DMD: variants seen among roughly 807,000 people sequenced by gnomAD.
DMD encodes the protein dystrophin, also known as mutant dystrophin.
DMD carries 63 observed loss-of-function variants against 330.1 expected under a neutral mutation model. The ratio of observed to expected loss-of-function variants is 0.19; its 90% CI spans 0.16 to 0.24. The LOEUF is 0.24. Among genes scored for constraint, DMD ranks in the 10% least tolerant of loss-of-function variants. The pLI is 1.00. For missense variants in DMD, 3,344 were observed against 2,684.1 expected (o/e 1.25, Z -5.43); for synonymous variants, 1,223 against 959.8 (o/e 1.27, Z -5.07).
intron 45 of DMD, among the ~76,000 whole-genome samples, chrX:31,949,088 C>G (rs1282878935): frequency 2.7e-5 from 3 of 111,083 alleles, no homozygotes; most frequent in Non-Finnish European, 5.7e-5. Context: ...TCTTCTTTTT[C>G]ACAATTGTTT....
rs1191026907 is a variant in DMD at position 32,429,387 on chromosome X, G to GTTATTT, written c.4071+8853_4071+8854insAAATAA. Reference sequence around the variant, plus strand: ...ACCAAGCCTGGATACTTTTTTTTGGGTTTTTTTTTTTTTTTTTTTTTTTTG... The same window carrying GTTATTT: ...ACCAAGCCTGGATACTTTTTTTTGGGTTATTTTTTTTTTTTTTTTTTTTTTTTTTTG... On this transcript the variant is annotated intron_variant, in intron 29 of 78. Transcript: ENST00000357033. 2.4e-3 allele frequency among the ~76,000 whole-genome samples: 106 copies of GTTATTT among 44,191 alleles called. 1 individual carries two copies. Among genetic ancestry groups the GTTATTT allele is most frequent in the African/African-American group, 0.011 (103 of 9,032 alleles). 38.4% of individuals were successfully genotyped at this position (44,191 alleles called of 115,157 possible).
rs746527994 is a variant in DMD at position 33,138,625 on chromosome X, A to G, written c.31+72657T>C. Among the ~76,000 whole-genome samples, 20 of 111,176 alleles carry G rather than the reference A, an allele frequency of 1.8e-4. No homozygotes were observed. In the East Asian group the frequency reaches 5.6e-3, roughly 31 times the overall value. On this transcript the variant is annotated intron_variant, in intron 1 of 78. Coordinates refer to ENST00000357033, the MANE Select transcript of DMD (RefSeq NM_004006.3). ...TTGTGCTGATTTTTTGAAGATATTC[A>G]TCTATCTTGATTTTCCTTACTTTTT...
chrX:32,866,558 G>A (rs756076046), intron 2 of DMD, among the ~76,000 whole-genome samples: 2 of 111,248 alleles, frequency 1.8e-5, no homozygotes, highest in Admixed American at 1.9e-4. Context: ...AGTTTCTAGA[G>A]ATCTGACTCA....
At chrX:32,087,582 C>G (rs1019218660) in intron 44 of DMD, among the ~76,000 whole-genome samples, 5 of 111,547 alleles carry the variant, frequency 4.5e-5, no homozygotes, top group African/African-American at 1.6e-4. Flanking sequence ...TGATATTGAC[C>G]CGCTAGTCCG....
chrX:32,583,657 A>G (rs2053906556), intron 13 of DMD: 1 of 111,633 alleles, frequency 9.0e-6, no homozygotes, highest in African/African-American at 3.3e-5. Flanking sequence ...TATTTTCGTC[A>G]AAGATGACAC....
At chrX:32,107,798 C>T (rs771248913) in intron 44 of DMD, among the ~76,000 whole-genome samples, 27 of 111,215 alleles carry the variant, frequency 2.4e-4, no homozygotes, top group Non-Finnish European at 4.9e-4. Flanking sequence ...TATCTGGGCA[C>T]CTTGTAGCCC....
chrX:32,188,047 A>G (rs756764846), intron 44 of DMD, among the ~76,000 whole-genome samples: 1 of 111,190 alleles, frequency 9.0e-6, no homozygotes, highest in Non-Finnish European at 1.9e-5. Context: ...AAAGACAGAT[A>G]AAGTAAATCA....
intron 11 of DMD, among the ~76,000 whole-genome samples, chrX:32,617,526 T>G (rs2057677992): frequency 9.0e-6 from 1 of 111,245 alleles, no homozygotes; most frequent in Admixed American, 9.6e-5. Context: ...AAGAATGAAA[T>G]TAGACCCTTA....
chrX:32,885,986 T>C (rs1229239212), intron 2 of DMD, among the ~76,000 whole-genome samples: 3 of 110,938 alleles, frequency 2.7e-5, no homozygotes. Flanking sequence ...CTGAATACAA[T>C]TCAGTGGAAA....
chrX:32,585,366 A>AT (rs2054118904), intron 13 of DMD, among the ~76,000 whole-genome samples: 1 of 112,251 alleles, frequency 8.9e-6, no homozygotes, highest in East Asian at 2.8e-4. Flanking sequence ...AAACTTAAAA[A>AT]TTTTTTGTAA....
chrX:33,041,379 C>T (rs2094297895), intron 1 of DMD: 1 of 1,183,166 alleles, frequency 8.5e-7, no homozygotes, highest in Admixed American at 2.4e-5. Flanking sequence ...CTCCTTCTCG[C>T]GGGGCTCGAG....
intron 3 of DMD, among the ~76,000 whole-genome samples, chrX:32,847,525 T>A (rs1467373977): frequency 1.8e-5 from 2 of 112,329 alleles, no homozygotes; most frequent in African/African-American, 6.5e-5. Context: ...CAGAAACTAT[T>A]AGAATTCAAG....
At chrX:31,466,231 T>G (rs773351900) in intron 59 of DMD, among the ~76,000 whole-genome samples, 1 of 112,450 alleles carries the variant, frequency 8.9e-6, no homozygotes, top group Non-Finnish European at 1.9e-5. Context: ...CTTTTGGTGT[T>G]TTAGTCGTGA....
intron 32 of DMD, among the ~76,000 whole-genome samples, chrX:32,389,224 T>A (rs1208143419): frequency 9.0e-6 from 1 of 111,464 alleles, no homozygotes; most frequent in Admixed American, 9.6e-5. Flanking sequence ...ATATATTTCC[T>A]TTCTAGATTT....
At chrX:33,203,302 ATGATAAATGT>A (rs1468781395) in intron 1 of DMD, among the ~76,000 whole-genome samples, 3 of 112,361 alleles carry the variant, frequency 2.7e-5, no homozygotes, top group African/African-American at 9.7e-5. Flanking sequence ...AATTGAGACT[ATGATAAATGT>A]TTTACACTGA....
intron 44 of DMD, among the ~76,000 whole-genome samples, chrX:32,073,407 A>G (rs1490349893): frequency 8.9e-6 from 1 of 112,017 alleles, no homozygotes; most frequent in Non-Finnish European, 1.9e-5. Flanking sequence ...TTAGAAACAT[A>G]CTACATTCAA....
chrX:31,293,044 T>C (rs1364888991), intron 62 of DMD, among the ~76,000 whole-genome samples: 3 of 110,557 alleles, frequency 2.7e-5, no homozygotes, highest in East Asian at 2.8e-4. Context: ...GCTTTTCATT[T>C]TGAAAATTTT....
At chrX:33,020,462 C>T (rs2093892932) in intron 1 of DMD, among the ~76,000 whole-genome samples, 1 of 111,771 alleles carries the variant, frequency 8.9e-6, no homozygotes, top group African/African-American at 3.3e-5. Context: ...TCACTTGAGG[C>T]CAGTAGTTTG....
chrX:33,041,996 T>C (rs1322404457), intron 1 of DMD, among the ~76,000 whole-genome samples: 3 of 111,464 alleles, frequency 2.7e-5, no homozygotes, highest in Admixed American at 9.6e-5. Context: ...AAAATGCTAC[T>C]TATGTGCTCA....
Sources: gnomAD v4.1 joint callset for allele counts (sites outside exome capture counted in the v4.1 genomes callset) on GRCh38, gnomAD v4.1.1 for gene constraint, MANE v1.5 for transcripts, NCBI Gene and HGNC (gene_info 2026-07-23, HGNC 2026-07-21) for gene names.